Variants in PLCXD1 observed in about 807,000 individuals in gnomAD.
PLCXD1 encodes the protein phosphatidylinositol specific phospholipase C X domain containing 1, also known as PI-PLC X domain-containing protein 1.
PLCXD1 carries 45 observed loss-of-function variants against 37.8 expected under a neutral mutation model. That is an observed-to-expected ratio of 1.19 (90% CI 0.94 to 1.53). The LOEUF (loss-of-function observed/expected upper bound fraction) is 1.53. Ranked by LOEUF, PLCXD1 falls within the 40% of genes most tolerant of loss-of-function variation. The pLI is 0.00. For synonymous variants in PLCXD1, 246 were observed against 206.9 expected, an observed-to-expected ratio of 1.19 and a Z score of -1.62; for missense variants, 539 against 454.7, an observed-to-expected ratio of 1.19 and a Z score of -1.69.
rs962052329 is a variant in PLCXD1 at position 294,481 on chromosome X, CAA to C, written c.733+1278_733+1279del. Among the ~76,000 whole-genome samples the C allele has an allele frequency of 3.1e-3, 290 of 93,734 alleles. 1 individual carries two copies. The highest frequency in any genetic ancestry group is 9.1e-3 in the African/African-American group (271 of 29,832). The allele number at this position is 93,734 out of a possible 152,430, so 61.5% of individuals were successfully genotyped here. ...TGGGCGACAGAGTGGAACTCTGTCT[CAA>C]AAAAAAAAAAAAAATAGGCACCTGT... On this transcript the variant is annotated intron_variant, in intron 6 of 6. Coordinates refer to ENST00000381657, the MANE Select transcript of PLCXD1 (RefSeq NM_018390.4).
At chrX:294,339 G>A (rs758221559) in intron 6 of PLCXD1, among the ~76,000 whole-genome samples, 19 of 152,186 alleles carry the variant, frequency 1.2e-4, no homozygotes, top group African/African-American at 1.9e-4. Context: ...AAAATTAGCC[G>A]GGCGTGGTGG....
intron 3 of PLCXD1, among the ~76,000 whole-genome samples, chrX:289,925 CAG>C (rs1179797687): frequency 6.6e-6 from 1 of 152,116 alleles, no homozygotes; most frequent in African/African-American, 2.4e-5. Context: ...CCCTGGGAAA[CAG>C]GGAGACAGGC....
chrX:286,509 G>A (rs770450050), intron 2 of PLCXD1, among the ~76,000 whole-genome samples: 1 of 152,044 alleles, frequency 6.6e-6, no homozygotes, highest in Non-Finnish European at 1.5e-5. Flanking sequence ...TCTTTGGCCG[G>A]GAGCTTCGGC....
chrX:288,874 G>A lies in PLCXD1; in HGVS notation c.264+5G>A, dbSNP rs751242230. The A allele has an allele frequency of 1.2e-5, 20 of 1,612,036 alleles. No individual in the cohort carries two copies. The highest frequency in any genetic ancestry group is 7.7e-5 in the South Asian group (7 of 90,998). ...CTGAAATGGTCCGTCACCCAGGTACGGTCTGTGCCCCGTGCTGCTGACCTG... is the reference window on the plus strand; with the variant it reads ...CTGAAATGGTCCGTCACCCAGGTACAGTCTGTGCCCCGTGCTGCTGACCTG... On this transcript the variant is annotated splice_donor_5th_base_variant and intron_variant, in intron 3 of 6. Coordinates refer to ENST00000381657, the MANE Select transcript of PLCXD1 (RefSeq NM_018390.4).
chrX:292,102 C>T (rs1488388608), intron 5 of PLCXD1, among the ~76,000 whole-genome samples: 3 of 151,936 alleles, frequency 2.0e-5, no homozygotes, highest in Non-Finnish European at 4.4e-5. Flanking sequence ...GAGATTGAGA[C>T]TATCCTGGCC....
At chrX:277,137 G>A (rs1354598391), upstream of PLCXD1, among the ~76,000 whole-genome samples, 1 of 152,080 alleles carries the variant, frequency 6.6e-6, no homozygotes, top group Non-Finnish European at 1.5e-5. Flanking sequence ...GGGAGTGGGG[G>A]CCGCCCCCGG....
rs189765766 is a variant in PLCXD1, at chrX:288,686, G to A, written c.128-47G>A. The A allele has an allele frequency of 5.4e-4, 870 of 1,608,284 alleles. 2 individuals carry two copies. The highest frequency in any genetic ancestry group is 6.8e-4 in the Non-Finnish European group (796 of 1,175,066). ...TGTGGAGCGACTCACAGCAGGTGGC[G>A]GGGACGGACTCGTGGTGACATGTCC... On this transcript the variant is annotated intron_variant, in intron 2 of 6. Transcript: ENST00000381657.
intron 3 of PLCXD1, 75 bp downstream of exon 3, chrX:288,944 G>A (rs2069543220): frequency 7.6e-6 from 11 of 1,442,232 alleles, no homozygotes; most frequent in South Asian, 5.7e-5. Flanking sequence ...TGCTGAAATG[G>A]CCCCTCACCC....
rs758708818 is a variant in PLCXD1 at position 291,670 on chromosome X, A to C, written c.549+16A>C. 1 of 1,611,624 alleles carries C rather than the reference A, an allele frequency of 6.2e-7. No homozygotes were observed. Among genetic ancestry groups the C allele is most frequent in the Non-Finnish European group, 8.5e-7 (1 of 1,179,296 alleles). On this transcript the variant is annotated intron_variant, in intron 5 of 6. Coordinates refer to ENST00000381657, the MANE Select transcript of PLCXD1 (RefSeq NM_018390.4). ...TCCTCGTGGGGTGAGGAGGGGAAGG[A>C]TATCCGCACGTCTCTCCCGGGGCAG...
Position 303,053 on chromosome X carries a change from G to A in PLCXD1, c.*3718G>A, listed in dbSNP as rs1296073107. The stretch of plus-strand genomic sequence containing the variant: ...ACGTTATGGAGTCCATGTTGCAATA[G>A]GTTCTCTTTGGGACCTAATGACTCA... On this transcript the variant is annotated 3_prime_UTR_variant, in exon 7 of 7. Coordinates refer to ENST00000381657, the MANE Select transcript of PLCXD1 (RefSeq NM_018390.4). 6.6e-6 allele frequency: 1 copy of A among 152,108 alleles called. No homozygotes were observed. The highest frequency in any genetic ancestry group is 1.5e-5 in the Non-Finnish European group (1 of 68,030). 9.4% of individuals were successfully genotyped at this position (152,108 alleles called of 1,614,324 possible). A position where few individuals can be genotyped will look rare whatever the true frequency, so the allele number is the denominator to read the frequency against.
Position 290,693 on chromosome X carries a change from G to T in PLCXD1, c.310G>T (p.Asp104Tyr). ...GCTGGATGCCGGGGTGCGGTACCTG[G>T]ACCTGCGGATAGCCCACATGCTGGA... is the stretch of plus-strand genomic sequence containing the variant. Reference protein sequence around the residue: ...EQLDAGVRYLDLRIAHMLEGS... With the variant: ...EQLDAGVRYLYLRIAHMLEGS... The change falls in exon 4 of 7, where the codon GAC (aspartate) becomes TAC (tyrosine). Residue 104 changes from aspartate (D) to tyrosine (Y), a missense_variant. By Grantham distance (160) the Asp-to-Tyr change is radical. Transcript: ENST00000381657. 1 of 1,613,780 alleles carries T rather than the reference G, an allele frequency of 6.2e-7. No homozygotes were observed. The highest frequency in any genetic ancestry group is 8.5e-7 in the Non-Finnish European group (1 of 1,179,750).
At chrX:281,141 G>A (rs777337333), upstream of PLCXD1, 11 of 130,416 alleles carry the variant, frequency 8.4e-5, no homozygotes, top group African/African-American at 3.5e-4. Flanking sequence ...GGGGAGGGGG[G>A]GCCGTGCAGG....
rs373879018 is a variant in PLCXD1, at chrX:285,619, GCA to G, written c.127+1310_127+1311del. 8.0e-3 allele frequency among the ~76,000 whole-genome samples: 1,210 copies of G among 150,758 alleles called. 13 individuals carry two copies. The highest frequency in any genetic ancestry group is 0.028 in the African/African-American group (1,140 of 40,462). ...TGCACATATGCACACGTGTACACAG[GCA>G]CACATGCACATGCACACGCGTGTAC... is the stretch of plus-strand genomic sequence containing the variant. On this transcript the variant is annotated intron_variant, in intron 2 of 6. Coordinates refer to ENST00000381657, the MANE Select transcript of PLCXD1 (RefSeq NM_018390.4).
intron 6 of PLCXD1, among the ~76,000 whole-genome samples, chrX:297,129 A>T (rs866785391): frequency 4.8e-5 from 2 of 41,710 alleles, no homozygotes; most frequent in African/African-American, 4.9e-4. Flanking sequence ...TCTGTCTATC[A>T]CATGGGGATT....
chrX:294,843 G>A (rs939879658), intron 6 of PLCXD1, among the ~76,000 whole-genome samples: 19 of 150,816 alleles, frequency 1.3e-4, no homozygotes, highest in Non-Finnish European at 2.7e-4. Context: ...GGGGTCAAGC[G>A]ATCTGCTTGA....
At chrX:276,826 C>A (rs757457381), upstream of PLCXD1, among the ~76,000 whole-genome samples, 1 of 152,172 alleles carries the variant, frequency 6.6e-6, no homozygotes, top group South Asian at 2.1e-4. Flanking sequence ...GATCTGAGCA[C>A]CCCTGTCCTT....
chrX:285,183 T>G (rs774476968), intron 2 of PLCXD1, among the ~76,000 whole-genome samples: 3 of 151,904 alleles, frequency 2.0e-5, no homozygotes, highest in African/African-American at 7.2e-5. Flanking sequence ...CATGGATGCA[T>G]ATACATGCAC....
upstream of PLCXD1, among the ~76,000 whole-genome samples, chrX:279,872 G>C (rs947969506): frequency 2.0e-5 from 3 of 151,674 alleles, no homozygotes; most frequent in Non-Finnish European, 4.4e-5. Flanking sequence ...GTTTTTGAAC[G>C]GGAGTCTCAC....
At chrX:296,411 C>T (rs1305742290) in intron 6 of PLCXD1, among the ~76,000 whole-genome samples, 1 of 152,198 alleles carries the variant, frequency 6.6e-6, no homozygotes, top group Non-Finnish European at 1.5e-5. Flanking sequence ...GCATGAGCCA[C>T]CGTGCCCAGC....
Sources: gnomAD v4.1 joint callset for allele counts (sites outside exome capture counted in the v4.1 genomes callset) on GRCh38, gnomAD v4.1.1 for gene constraint, MANE v1.5 for transcripts, NCBI Gene and HGNC (gene_info 2026-07-23, HGNC 2026-07-21) for gene names.